Variants in NAALADL2 observed in about 807,000 individuals in gnomAD.
NAALADL2 encodes N-acetylated alpha-linked acidic dipeptidase like 2, also known as inactive N-acetylated-alpha-linked acidic dipeptidase-like protein 2.
NAALADL2 carries 76 observed loss-of-function variants against 87.2 expected under a neutral mutation model. The ratio of observed to expected loss-of-function variants is 0.87; its 90% CI spans 0.72 to 1.05. The LOEUF is 1.05. Among genes scored for constraint, NAALADL2 ranks in the 50% least tolerant of loss-of-function variants. NAALADL2 has a pLI of 0.00. For missense variants in NAALADL2, 1,089 were observed against 945.8 expected, an observed-to-expected ratio of 1.15 and a Z score of -1.99; for synonymous variants, 354 against 331.0, an observed-to-expected ratio of 1.07 and a Z score of -0.75.
intron 5 of NAALADL2, among the ~76,000 whole-genome samples, chr3:175,385,270 C>T (rs1417258704): frequency 6.6e-6 from 1 of 152,000 alleles, no homozygotes; most frequent in Non-Finnish European, 1.5e-5. Context: ...CAATTTACCC[C>T]AATTTTCCTG....
At chr3:175,208,050 C>T (rs559711447) in intron 2 of NAALADL2, among the ~76,000 whole-genome samples, 39 of 152,090 alleles carry the variant, frequency 2.6e-4, no homozygotes, top group Non-Finnish European at 5.1e-4. Context: ...CAAAAATAGC[C>T]TACATATCTT....
intron 1 of NAALADL2, among the ~76,000 whole-genome samples, chr3:174,482,102 T>A (rs1239310205): frequency 6.6e-6 from 1 of 152,118 alleles, no homozygotes; most frequent in Non-Finnish European, 1.5e-5. Flanking sequence ...ACCTGCTATA[T>A]TAACTCTTTT....
intron 10 of NAALADL2, among the ~76,000 whole-genome samples, chr3:175,616,884 G>T (rs1407142411): frequency 6.6e-6 from 1 of 152,134 alleles, no homozygotes; most frequent in Non-Finnish European, 1.5e-5. Context: ...GGTTAGGGAG[G>T]AGGTGGGACC....
intron 2 of NAALADL2, among the ~76,000 whole-genome samples, chr3:175,104,071 C>G (rs1213826773): frequency 6.6e-6 from 1 of 152,118 alleles, no homozygotes; most frequent in Non-Finnish European, 1.5e-5. Context: ...GTATTGGTGT[C>G]TTTCCTGTGC....
chr3:174,694,066 T>C (rs1728817539), intron 2 of NAALADL2, among the ~76,000 whole-genome samples: 1 of 152,148 alleles, frequency 6.6e-6, no homozygotes, highest in Non-Finnish European at 1.5e-5. Context: ...GCAAATTGGT[T>C]ATCTTTGCAA....
rs546224099 is a variant in NAALADL2 at position 175,340,160 on chromosome 3, G to A, written c.1090+15835G>A. Reference sequence around the variant, plus strand: ...AAAAATTTATATTTTCACTTAGCAGGTTGTATAAGTCATAGAAGAAATGTT... The same window carrying A: ...AAAAATTTATATTTTCACTTAGCAGATTGTATAAGTCATAGAAGAAATGTT... On this transcript the variant is annotated intron_variant, in intron 5 of 13. Coordinates refer to ENST00000454872, the MANE Select transcript of NAALADL2 (RefSeq NM_207015.3). Among the ~76,000 whole-genome samples the A allele has an allele frequency of 1.2e-4, 18 of 152,188 alleles. No homozygotes were observed. The South Asian group carries it at 2.3e-3, about 19-fold the overall frequency.
chr3:175,652,012 G>A (rs978189977), intron 11 of NAALADL2, among the ~76,000 whole-genome samples: 1 of 152,186 alleles, frequency 6.6e-6, no homozygotes, highest in Non-Finnish European at 1.5e-5. Flanking sequence ...ATTAAAGTGC[G>A]TGGTACACGA....
intron 2 of NAALADL2, among the ~76,000 whole-genome samples, chr3:175,128,885 T>C (rs1044957633): frequency 6.6e-5 from 10 of 152,092 alleles, no homozygotes; most frequent in African/African-American, 2.4e-4. Context: ...ATGTACCACA[T>C]GATGATTTGA....
intron 4 of NAALADL2, among the ~76,000 whole-genome samples, chr3:175,258,459 T>G (rs926011804): frequency 5.3e-5 from 8 of 151,810 alleles, no homozygotes; most frequent in African/African-American, 1.9e-4. Flanking sequence ...CATCAATAGA[T>G]AGAGAGATAA....
intron 1 of NAALADL2, among the ~76,000 whole-genome samples, chr3:174,536,856 T>A (rs1436154064): frequency 6.6e-6 from 1 of 152,178 alleles, no homozygotes; most frequent in Non-Finnish European, 1.5e-5. Flanking sequence ...TACAAAACAT[T>A]GTAAAATTTT....
In NAALADL2 at chr3:174,963,306, A is replaced by G. The variant is rs141527140; in HGVS notation, c.43+103856A>G. Among the ~76,000 whole-genome samples, 399 of 152,296 alleles carry G rather than the reference A, an allele frequency of 2.6e-3. 4 individuals are homozygous for G. Among genetic ancestry groups the G allele is most frequent in the African/African-American group, 9.3e-3 (385 of 41,570 alleles). ...GTAAACTTTTATAGGATTACTATAAATACTTTAGTAACATACCTGTGGTTA... is the reference window on the plus strand; with the variant it reads ...GTAAACTTTTATAGGATTACTATAAGTACTTTAGTAACATACCTGTGGTTA... On this transcript the variant is annotated intron_variant, in intron 1 of 13. Coordinates refer to ENST00000454872, the MANE Select transcript of NAALADL2 (RefSeq NM_207015.3).
intron 1 of NAALADL2, among the ~76,000 whole-genome samples, chr3:175,077,431 A>G (rs1716813997): frequency 6.6e-6 from 1 of 152,198 alleles, no homozygotes; most frequent in Admixed American, 6.5e-5. Context: ...TTTTCCGTGT[A>G]TGCTAGCCAG....
At chr3:175,121,135 A>T (rs1726088210) in intron 2 of NAALADL2, among the ~76,000 whole-genome samples, 1 of 151,798 alleles carries the variant, frequency 6.6e-6, no homozygotes, top group African/African-American at 2.4e-5. Context: ...ACAAGTAATA[A>T]GGTTGAATCT....
intron 2 of NAALADL2, among the ~76,000 whole-genome samples, chr3:174,670,866 G>A (rs1464424664): frequency 6.6e-6 from 1 of 151,992 alleles, no homozygotes; most frequent in Non-Finnish European, 1.5e-5. Flanking sequence ...GGTGGGGCTT[G>A]GTGGGAGGTG....
At chr3:175,277,017 A>G (rs956000800) in intron 4 of NAALADL2, among the ~76,000 whole-genome samples, 3 of 152,188 alleles carry the variant, frequency 2.0e-5, no homozygotes, top group African/African-American at 7.2e-5. Flanking sequence ...TGAACAAAAT[A>G]AAACTTACAA....
intron 4 of NAALADL2, among the ~76,000 whole-genome samples, chr3:175,303,700 A>G (rs1440669196): frequency 6.6e-6 from 1 of 152,202 alleles, no homozygotes; most frequent in East Asian, 1.9e-4. Context: ...CCCCTTAGGG[A>G]GCATACTACC....
At chr3:175,467,911 G>C (rs1344434983) in intron 8 of NAALADL2, among the ~76,000 whole-genome samples, 1 of 152,112 alleles carries the variant, frequency 6.6e-6, no homozygotes, top group East Asian at 1.9e-4. Flanking sequence ...TGGATTGATA[G>C]AAAGTCTATT....
rs1560163753 is a variant in NAALADL2 at position 175,206,263 on chromosome 3, TTTTTTTTTTTC to T, written c.546-27667_546-27657del. Among the ~76,000 whole-genome samples the T allele has an allele frequency of 6.1e-3, 453 of 74,602 alleles. 5 individuals carry two copies. The highest frequency in any genetic ancestry group is 0.013 in the African/African-American group (215 of 16,210). The allele number at this position is 74,602 out of a possible 152,430, so 48.9% of individuals were successfully genotyped here. A position where few individuals can be genotyped will look rare whatever the true frequency, so the allele number is the denominator to read the frequency against. The stretch of plus-strand genomic sequence containing the variant: ...AAAAAACTATATATATATATATATA[TTTTTTTTTTTC>T]ACTGTGTGTGTGTATGTATGTGTAT... On this transcript the variant is annotated intron_variant, in intron 2 of 13. Transcript: ENST00000454872.
At chr3:174,708,596 T>G (rs1293115837) in intron 2 of NAALADL2, among the ~76,000 whole-genome samples, 1 of 152,170 alleles carries the variant, frequency 6.6e-6, no homozygotes, top group Non-Finnish European at 1.5e-5. Flanking sequence ...TTTATAAATT[T>G]TATGAGTCAA....
Sources: gnomAD v4.1 joint callset for allele counts (sites outside exome capture counted in the v4.1 genomes callset) on GRCh38, gnomAD v4.1.1 for gene constraint, MANE v1.5 for transcripts, NCBI Gene and HGNC (gene_info 2026-07-23, HGNC 2026-07-21) for gene names.